Variants in PTPRO observed in about 807,000 individuals in gnomAD.
PTPRO encodes receptor-type tyrosine-protein phosphatase O.
Under a neutral mutation model 145.2 loss-of-function variants are expected in PTPRO, and 62 were observed. That is an observed-to-expected ratio of 0.43 (90% CI 0.35 to 0.53). The LOEUF (loss-of-function observed/expected upper bound fraction) is 0.53, where lower values mean the gene tolerates loss of function less well. Ranked by LOEUF, PTPRO falls within the 20% of genes least tolerant of loss-of-function variation. The pLI is 0.01. For synonymous variants in PTPRO, 565 were observed against 514.7 expected (o/e 1.10, Z -1.32); for missense variants, 1,345 against 1,482.7 (o/e 0.91, Z 1.53).
chr12:15,446,887 GA>G (rs1223179732), intron 1 of PTPRO, among the ~76,000 whole-genome samples: 1 of 152,098 alleles, frequency 6.6e-6, no homozygotes, highest in East Asian at 1.9e-4. Context: ...GGGAAGCTTG[GA>G]AAGAGCTGGC....
intron 9 of PTPRO, among the ~76,000 whole-genome samples, chr12:15,519,694 T>C (rs1207130421): frequency 6.6e-6 from 1 of 152,232 alleles, no homozygotes; most frequent in African/African-American, 2.4e-5. Flanking sequence ...AGAGGATGTT[T>C]TTTAAGAAAA....
At chr12:15,571,770 A>G (rs1215920603) in intron 19 of PTPRO, among the ~76,000 whole-genome samples, 1 of 152,188 alleles carries the variant, frequency 6.6e-6, no homozygotes, top group Admixed American at 6.5e-5. Context: ...ACAGCCAGAG[A>G]GGGCAGATGC....
rs1392304971 is a variant in PTPRO at position 15,322,558 on chromosome 12, C to A, written c.-169C>A. On this transcript the variant is annotated 5_prime_UTR_variant, in exon 1 of 27. Coordinates refer to ENST00000281171, the MANE Select transcript of PTPRO (RefSeq NM_030667.3). This position sits in a 1 kb window ranked among gnomAD's most constrained non-coding sequence, Gnocchi z 6.3. ...GCACGTTCTTGGAGGACCCCGGGCGCAGAGGAGGAAAGGGAGCAGGCGCAG... is the reference window on the plus strand; with the variant it reads ...GCACGTTCTTGGAGGACCCCGGGCGAAGAGGAGGAAAGGGAGCAGGCGCAG... The A allele has an allele frequency of 4.4e-6, 3 of 680,620 alleles. No individual in the cohort carries two copies. Among genetic ancestry groups the A allele is most frequent in the Middle Eastern group, 4.7e-4 (2 of 4,252 alleles). 42.2% of individuals were successfully genotyped at this position (680,620 alleles called of 1,614,324 possible). A position where few individuals can be genotyped will look rare whatever the true frequency, so the allele number is the denominator to read the frequency against.
rs750753678 is a variant in PTPRO, at chr12:15,322,709, G to T, written c.-18G>T. On this transcript the variant is annotated 5_prime_UTR_variant, in exon 1 of 27. Transcript: ENST00000281171. This position sits in a 1 kb window ranked among gnomAD's most constrained non-coding sequence, Gnocchi z 6.3. ...TCCGCTAGCGCAGCCGTGCCCCCGA[G>T]TCCCCGTCCGCGCAGCGATGGGGCA... 4 of 1,606,908 alleles carry T rather than the reference G, an allele frequency of 2.5e-6. No individual in the cohort carries two copies. In the Admixed American group the frequency reaches 6.7e-5, roughly 27 times the overall value.
At chr12:15,467,121 C>T (rs145904241) in intron 1 of PTPRO, among the ~76,000 whole-genome samples, 1 of 152,282 alleles carries the variant, frequency 6.6e-6, no homozygotes, top group Non-Finnish European at 1.5e-5. Flanking sequence ...AAGTACTTAA[C>T]ACAAAGTAGG....
intron 1 of PTPRO, among the ~76,000 whole-genome samples, chr12:15,479,407 C>T (rs1263636841): frequency 2.0e-5 from 3 of 152,180 alleles, no homozygotes; most frequent in Admixed American, 6.5e-5. Flanking sequence ...GCTGGACAGA[C>T]GGCAGCCTGT....
At chr12:15,378,258 C>G (rs1000502208) in intron 1 of PTPRO, among the ~76,000 whole-genome samples, 1 of 151,382 alleles carries the variant, frequency 6.6e-6, no homozygotes, top group Admixed American at 6.6e-5. Flanking sequence ...CTAGACTGAC[C>G]AAGAAATAGA....
chr12:15,550,199 G>C (rs7139325), intron 14 of PTPRO, among the ~76,000 whole-genome samples: 14,055 of 152,150 alleles, frequency 0.092, 849 homozygotes, highest in Non-Finnish European at 0.14. Context: ...ATTTTTGTAT[G>C]TTATACTTAT....
At chr12:15,516,692 G>C in intron 8 of PTPRO, 71 bp from the exon 9 acceptor site, 6 of 1,364,234 alleles carry the variant, frequency 4.4e-6, no homozygotes, top group African/African-American at 1.4e-5. Context: ...TCATTAAGTA[G>C]AAGTTTGAGG....
chr12:15,425,400 A>G (rs570254796), intron 1 of PTPRO, among the ~76,000 whole-genome samples: 6 of 152,278 alleles, frequency 3.9e-5, no homozygotes, highest in African/African-American at 1.4e-4. Context: ...CCAAGGCCTT[A>G]CTGTGGTAGG....
At chr12:15,388,376 A>G (rs1427913764) in intron 1 of PTPRO, among the ~76,000 whole-genome samples, 3 of 152,262 alleles carry the variant, frequency 2.0e-5, no homozygotes, top group East Asian at 3.9e-4. Context: ...TTACTGTACA[A>G]TTCTGTTTTT....
intron 1 of PTPRO, among the ~76,000 whole-genome samples, chr12:15,471,749 G>T (rs898522499): frequency 6.6e-6 from 1 of 152,140 alleles, no homozygotes; most frequent in Non-Finnish European, 1.5e-5. Context: ...ATGCATGCTT[G>T]TTGCCCAAAA....
chr12:15,429,429 G>C (rs1382182235), intron 1 of PTPRO, among the ~76,000 whole-genome samples: 1 of 152,156 alleles, frequency 6.6e-6, no homozygotes, highest in Non-Finnish European at 1.5e-5. Flanking sequence ...AGGCTTTCCT[G>C]AGGGCATGAT....
intron 1 of PTPRO, among the ~76,000 whole-genome samples, chr12:15,328,563 A>C (rs1278257636): frequency 1.3e-5 from 2 of 152,150 alleles, no homozygotes; most frequent in Non-Finnish European, 1.5e-5. Context: ...ATATTTCAGA[A>C]ACAGAGAATC....
chr12:15,380,070 A>G (rs943441148), intron 1 of PTPRO, among the ~76,000 whole-genome samples: 1 of 152,142 alleles, frequency 6.6e-6, no homozygotes, highest in African/African-American at 2.4e-5. Flanking sequence ...TAATGTATTG[A>G]GTATCAAACT....
At chr12:15,417,149 C>T (rs1224595710) in intron 1 of PTPRO, among the ~76,000 whole-genome samples, 1 of 151,604 alleles carries the variant, frequency 6.6e-6, no homozygotes, top group East Asian at 1.9e-4. Context: ...GTGCCCGGCA[C>T]ATGGTTAAAA....
Position 15,508,758 on chromosome 12 carries a change from C to T in PTPRO, c.1455C>T (p.Tyr485=). The T allele has an allele frequency of 6.2e-7, 1 of 1,614,014 alleles. No homozygotes were observed. Among genetic ancestry groups the T allele is most frequent in the African/African-American group, 1.3e-5 (1 of 75,050 alleles). ...AGAGCCAGAGGCTTGAAAAGCAGTA[C>T]TGCACTCAGGTAAAGGAGAGGAAAT... ...QKESQRLEKQ[Y]CTQVNSSKPI... Residue 485 remains tyrosine, a synonymous_variant, in exon 7 of 27, where the codon TAC becomes TAT. Coordinates refer to ENST00000281171, the MANE Select transcript of PTPRO (RefSeq NM_030667.3).
chr12:15,526,315 T>C (rs1206180150), intron 12 of PTPRO, 53 bp downstream of exon 12: 3 of 1,605,498 alleles, frequency 1.9e-6, no homozygotes, highest in East Asian at 2.2e-5. Context: ...GTTTGCATCA[T>C]TCGATTCAGC....
chr12:15,428,230 A>G (rs1388634541), intron 1 of PTPRO, among the ~76,000 whole-genome samples: 3 of 152,164 alleles, frequency 2.0e-5, no homozygotes, highest in African/African-American at 7.2e-5. Context: ...TGTTTTCAGA[A>G]CTTCATTCAG....
Sources: gnomAD v4.1 joint callset for allele counts (sites outside exome capture counted in the v4.1 genomes callset) on GRCh38, gnomAD v4.1.1 for gene constraint, Gnocchi (gnomAD v3.1) non-coding constraint, MANE v1.5 for transcripts, NCBI Gene and HGNC (gene_info 2026-07-23, HGNC 2026-07-21) for gene names.